The following TRDN variants were observed in gnomAD, a reference collection of about 807,000 sequenced individuals.
TRDN encodes the protein triadin in skeletal muscle.
TRDN carries 161 observed loss-of-function variants against 149.7 expected under a neutral mutation model. The ratio of observed to expected loss-of-function variants is 1.08; its 90% CI spans 0.95 to 1.23. TRDN has a LOEUF of 1.23. TRDN is among the 50% of genes most tolerant of loss of function. The pLI is 0.00. For synonymous variants in TRDN, 294 were observed against 250.5 expected, an observed-to-expected ratio of 1.17 and a Z score of -1.64; for missense variants, 896 against 823.5, an observed-to-expected ratio of 1.09 and a Z score of -1.08.
intron 20 of TRDN, among the ~76,000 whole-genome samples, chr6:123,363,550 GA>G (rs1780977711): frequency 6.6e-6 from 1 of 152,150 alleles, no homozygotes; most frequent in African/African-American, 2.4e-5. Context: ...TGAGATCTAT[GA>G]CCAACTAGAA....
intron 4 of TRDN, among the ~76,000 whole-genome samples, chr6:123,534,553 C>T (rs949701160): frequency 5.3e-5 from 8 of 152,086 alleles, no homozygotes; most frequent in African/African-American, 1.9e-4. Context: ...CTAATTTAGA[C>T]TTTGGAAAGG....
chr6:123,372,831 G>A (rs1026972095), intron 19 of TRDN, among the ~76,000 whole-genome samples: 1 of 152,152 alleles, frequency 6.6e-6, no homozygotes, highest in Non-Finnish European at 1.5e-5. Context: ...CAACCTCTGT[G>A]TTGCTATCCA....
intron 10 of TRDN, among the ~76,000 whole-genome samples, chr6:123,450,784 A>G (rs1775721034): frequency 6.6e-6 from 1 of 152,106 alleles, no homozygotes; most frequent in Non-Finnish European, 1.5e-5. Context: ...TCATCCAACA[A>G]CCACAGAATA....
At chr6:123,350,473 T>C in intron 21 of TRDN, 1 of 560,154 alleles carries the variant, frequency 1.8e-6, no homozygotes, top group Non-Finnish European at 2.3e-6. Context: ...CAATGAATTA[T>C]AAACTAATAG....
chr6:123,353,211 G>T (rs189396541), intron 20 of TRDN, among the ~76,000 whole-genome samples: 93 of 151,906 alleles, frequency 6.1e-4, no homozygotes, highest in Admixed American at 2.8e-3. Flanking sequence ...TGAAAGAATT[G>T]ATTCAAGAAA....
chr6:123,241,473 C>T (rs575244304), intron 38 of TRDN, among the ~76,000 whole-genome samples: 1 of 151,630 alleles, frequency 6.6e-6, no homozygotes, highest in Non-Finnish European at 1.5e-5. Context: ...TTAATTCTGA[C>T]ATCTAAAATA....
intron 1 of TRDN, among the ~76,000 whole-genome samples, chr6:123,585,326 T>A (rs12661848): frequency 6.6e-6 from 1 of 151,498 alleles, no homozygotes; most frequent in African/African-American, 2.4e-5. Flanking sequence ...TATTGTCTAA[T>A]TTGGCACCAG....
intron 1 of TRDN, among the ~76,000 whole-genome samples, chr6:123,590,139 A>T (rs1783708756): frequency 6.6e-6 from 1 of 152,192 alleles, no homozygotes; most frequent in Non-Finnish European, 1.5e-5. Flanking sequence ...ACCAGGTCAC[A>T]CAGCAGGAGG....
At chr6:123,404,104 CTTGATTA>C (rs1773095829) in intron 12 of TRDN, among the ~76,000 whole-genome samples, 1 of 152,118 alleles carries the variant, frequency 6.6e-6, no homozygotes, top group Non-Finnish European at 1.5e-5. Context: ...ATAAGCCACA[CTTGATTA>C]TTTCCTTCTT....
At chr6:123,399,992 A>C (rs1307494771) in intron 12 of TRDN, among the ~76,000 whole-genome samples, 3 of 151,944 alleles carry the variant, frequency 2.0e-5, no homozygotes, top group Admixed American at 1.3e-4. Context: ...GAAATTTGAC[A>C]CTTTAGTGAA....
At chr6:123,352,637 T>C in intron 20 of TRDN, 51 bp from the exon 21 acceptor site, 1 of 1,564,182 alleles carries the variant, frequency 6.4e-7, no homozygotes, top group Non-Finnish European at 8.6e-7. Context: ...GAAATACTGC[T>C]TCTGCTCAAA....
chr6:123,227,036 T>C (rs1325552157), intron 38 of TRDN, among the ~76,000 whole-genome samples: 1 of 151,850 alleles, frequency 6.6e-6, no homozygotes, highest in Non-Finnish European at 1.5e-5. Flanking sequence ...CTGGAAAACT[T>C]GGATAAGATT....
At chr6:123,570,813 T>A (rs1562396228) in intron 2 of TRDN, 110 bp downstream of exon 2, 2 of 944,164 alleles carry the variant, frequency 2.1e-6, no homozygotes, top group Non-Finnish European at 3.2e-6. Context: ...TTGTGGGGTG[T>A]TTCTTCCTCA....
At chr6:123,536,793 A>T (rs919385272) in intron 4 of TRDN, among the ~76,000 whole-genome samples, 2 of 152,002 alleles carry the variant, frequency 1.3e-5, no homozygotes. Context: ...CTGAGACAGG[A>T]GGATCCCTTG....
chr6:123,607,691 A>G (rs1784585154), intron 1 of TRDN, among the ~76,000 whole-genome samples: 1 of 152,206 alleles, frequency 6.6e-6, no homozygotes, highest in Admixed American at 6.6e-5. Context: ...TGCCATATTC[A>G]TAAATTCTGA....
intron 1 of TRDN, among the ~76,000 whole-genome samples, chr6:123,586,261 G>T (rs1202576950): frequency 2.0e-5 from 3 of 152,158 alleles, no homozygotes; most frequent in Non-Finnish European, 2.9e-5. Flanking sequence ...CGGACCGGGT[G>T]TGAGGAGGGG....
chr6:123,443,874 T>A (rs1484123464), intron 10 of TRDN, among the ~76,000 whole-genome samples: 1 of 151,132 alleles, frequency 6.6e-6, no homozygotes. Context: ...GTTCTATTGA[T>A]CTATATCTCT....
chr6:123,561,027 C>G (rs951960163), intron 2 of TRDN, among the ~76,000 whole-genome samples: 3 of 152,212 alleles, frequency 2.0e-5, no homozygotes, highest in Admixed American at 2.0e-4. Context: ...ATTGACTTTA[C>G]TCACATGCCC....
chr6:123,500,091 C>T (rs1268956889), intron 8 of TRDN, among the ~76,000 whole-genome samples: 1 of 151,834 alleles, frequency 6.6e-6, no homozygotes, highest in Non-Finnish European at 1.5e-5. Context: ...CACCAACAGC[C>T]CAATGAACTT....
Sources: gnomAD v4.1 joint callset for allele counts (sites outside exome capture counted in the v4.1 genomes callset) on GRCh38, gnomAD v4.1.1 for gene constraint, MANE v1.5 for transcripts, NCBI Gene and HGNC (gene_info 2026-07-23, HGNC 2026-07-21) for gene names.